PNISR: variants seen among roughly 807,000 people sequenced by gnomAD.
PNISR encodes PNN interacting serine and arginine rich protein, also known as arginine/serine-rich protein PNISR.
Under a neutral mutation model 93.4 loss-of-function variants are expected in PNISR, and 20 were observed. The ratio of observed to expected loss-of-function variants is 0.21; its 90% CI spans 0.15 to 0.31. The LOEUF (loss-of-function observed/expected upper bound fraction) is 0.31, where lower values mean the gene tolerates loss of function less well. Among genes scored for constraint, PNISR ranks in the 10% least tolerant of loss-of-function variants. The pLI, the probability that PNISR is intolerant of heterozygous loss-of-function variation, is 1.00. For synonymous variants in PNISR, 305 were observed against 306.5 expected (o/e 0.99, Z 0.05); for missense variants, 893 against 985.4 (o/e 0.91, Z 1.25).
At chr6:99,414,348 T>C (rs543717799) in intron 3 of PNISR, among the ~76,000 whole-genome samples, 1 of 152,360 alleles carries the variant, frequency 6.6e-6, no homozygotes, top group South Asian at 2.1e-4. Flanking sequence ...GTTTAAAAAA[T>C]GTAAAATCTT....
chr6:99,408,715 G>A (rs1286135005), intron 6 of PNISR, among the ~76,000 whole-genome samples: 3 of 152,030 alleles, frequency 2.0e-5, no homozygotes, highest in Non-Finnish European at 2.9e-5. Flanking sequence ...GAAATAGGCT[G>A]GCTCTATAAT....
chr6:99,405,354 C>T (rs910789484), intron 8 of PNISR, among the ~76,000 whole-genome samples: 3 of 152,014 alleles, frequency 2.0e-5, no homozygotes, highest in African/African-American at 4.8e-5. Flanking sequence ...GCAATCCCAA[C>T]TACTCGGGAG....
chr6:99,401,658 A>T, intron 11 of PNISR, 28 bp from the exon 12 acceptor site: 1 of 1,483,238 alleles, frequency 6.7e-7, no homozygotes, highest in Non-Finnish European at 8.9e-7. Flanking sequence ...AAAAACACTA[A>T]GAAAATGTTC....
Position 99,398,522 on chromosome 6 carries a change from C to A in PNISR, c.*2018G>T, listed in dbSNP as rs545088248. ...TTTATGTACTAATAATCACAAATAT[C>A]ATGACGGCTTTTAAAAAAACTACAG... On this transcript the variant is annotated 3_prime_UTR_variant, in exon 12 of 12. Transcript: ENST00000369239. 6 of 152,086 alleles carry A rather than the reference C, an allele frequency of 3.9e-5. No individual in the cohort carries two copies. Among genetic ancestry groups the A allele is most frequent in the Non-Finnish European group, 7.4e-5 (5 of 67,954 alleles). The allele number at this position is 152,086 out of a possible 1,614,324, so 9.4% of individuals were successfully genotyped here. A position where few individuals can be genotyped will look rare whatever the true frequency, so the allele number is the denominator to read the frequency against.
rs761803825 is a variant in PNISR, at chr6:99,400,495, A to G, written c.*45T>C. 8.3e-6 allele frequency: 13 copies of G among 1,569,868 alleles called. No homozygotes were observed. The highest frequency in any genetic ancestry group is 1.1e-5 in the Non-Finnish European group (13 of 1,161,650). The stretch of plus-strand genomic sequence containing the variant: ...GACACTTTCAACTTTGAATAAATTC[A>G]GTCAATTTTTTTTAAAAATCAGACA... On this transcript the variant is annotated 3_prime_UTR_variant, in exon 12 of 12. Coordinates refer to ENST00000369239, the MANE Select transcript of PNISR (RefSeq NM_032870.4).
Position 99,425,199 on chromosome 6 carries a change from G to T in PNISR, c.-112+16C>A. ...GTCCGGCAAGTGCCCACGTATAATTGTTCTCCATCACTTACCCACTCTAGT... is the reference window on the plus strand; with the variant it reads ...GTCCGGCAAGTGCCCACGTATAATTTTTCTCCATCACTTACCCACTCTAGT... On this transcript the variant is annotated intron_variant, in intron 1 of 11. Coordinates refer to ENST00000369239, the MANE Select transcript of PNISR (RefSeq NM_032870.4). 3 of 1,230,090 alleles carry T rather than the reference G, an allele frequency of 2.4e-6. No homozygotes were observed. The highest frequency in any genetic ancestry group is 2.0e-6 in the Non-Finnish European group (2 of 986,134). The allele number at this position is 1,230,090 out of a possible 1,614,324, so 76.2% of individuals were successfully genotyped here. A position where few individuals can be genotyped will look rare whatever the true frequency, so the allele number is the denominator to read the frequency against.
chr6:99,404,420 A>G (rs1486208826), intron 9 of PNISR, 183 bp downstream of exon 9: 4 of 625,276 alleles, frequency 6.4e-6, no homozygotes, highest in Non-Finnish European at 1.2e-5. Context: ...TAGGTCAGAT[A>G]AAACAAAAAT....
rs199561395 is a variant in PNISR, at chr6:99,412,606, T to C, written c.222A>G (p.Pro74=). ...CCCCTTGGAAATTCCCATGATTGTT[T>C]GGACCAGATTCCATTGTAGACATAT... ...GQDMSTMESG[P]NNHGNFQGDS... The change falls in exon 4 of 12, where the codon CCA becomes CCG. Residue 74 remains proline, a synonymous_variant. Coordinates refer to ENST00000369239, the MANE Select transcript of PNISR (RefSeq NM_032870.4). 6.0e-5 allele frequency: 96 copies of C among 1,610,204 alleles called. No individual in the cohort carries two copies. Among genetic ancestry groups the C allele is most frequent in the Non-Finnish European group, 3.6e-5 (43 of 1,178,898 alleles).
At chr6:99,404,517 C>T in intron 9 of PNISR, 86 bp downstream of exon 9, 1 of 769,052 alleles carries the variant, frequency 1.3e-6, no homozygotes, top group Non-Finnish European at 2.4e-6. Flanking sequence ...TGGTAGAAAT[C>T]CAACAAGGAC....
chr6:99,403,804 T>G lies in PNISR; in HGVS notation c.1156+25A>C, dbSNP rs776079044. ...ATGTGTGATTTTTCCCTTTAGGCCC[T>G]CTCACAAATATGGAAAACACTTACC... On this transcript the variant is annotated intron_variant, in intron 10 of 11. Coordinates refer to ENST00000369239, the MANE Select transcript of PNISR (RefSeq NM_032870.4). 64 of 1,588,166 alleles carry G rather than the reference T, an allele frequency of 4.0e-5. No homozygotes were observed. In the South Asian group the frequency reaches 6.6e-4, roughly 16 times the overall value.
At position 99,400,557 on chromosome 6, in the gene PNISR, T is replaced by TA. The variant is rs763432298; in HGVS notation, c.2400dup (p.Lys801Ter). 17 of 1,613,562 alleles carry TA rather than the reference T, an allele frequency of 1.1e-5. No homozygotes were observed. Among genetic ancestry groups the TA allele is most frequent in the African/African-American group, 4.0e-5 (3 of 74,892 alleles). On this transcript the variant is annotated frameshift_variant, in exon 12 of 12. Coordinates refer to ENST00000369239, the MANE Select transcript of PNISR (RefSeq NM_032870.4). LOFTEE classifies it high-confidence loss of function. ...AAAGTATACTACCTTGATCGGGACT[T>TA]AGACTTGTGTTTGCGGCTTGCCTTC...
In PNISR at chr6:99,419,930, G is replaced by A. The variant is rs533820065; in HGVS notation, c.-111-3502C>T. On this transcript the variant is annotated intron_variant, in intron 1 of 11. Transcript: ENST00000369239. ...GATGGAGTCTCGCTTTGTTGCCCAGGCTGGAGTGCAGTGGTGCGATGTTGG... is the reference window on the plus strand; with the variant it reads ...GATGGAGTCTCGCTTTGTTGCCCAGACTGGAGTGCAGTGGTGCGATGTTGG... Among the ~76,000 whole-genome samples, 7 of 151,164 alleles carry A rather than the reference G, an allele frequency of 4.6e-5. 1 individual carries two copies. In the South Asian group the frequency reaches 1.5e-3, roughly 32 times the overall value.
rs1385561287 is a variant in PNISR at position 99,401,136 on chromosome 6, G to T, written c.1822C>A (p.Arg608=). ...NRNSIERERR[R]NRSPSRERRR... Reference sequence around the variant, plus strand: ...CTCTCTCGGGAAGGACTCCGATTTCGTCGTCTTTCTCTTTCAATGCTATTT... The same window carrying T: ...CTCTCTCGGGAAGGACTCCGATTTCTTCGTCTTTCTCTTTCAATGCTATTT... The change falls in exon 12 of 12, where the codon CGA becomes AGA. Residue 608 remains arginine, a synonymous_variant. Coordinates refer to ENST00000369239, the MANE Select transcript of PNISR (RefSeq NM_032870.4). 1 of 1,609,040 alleles carries T rather than the reference G, an allele frequency of 6.2e-7. No individual in the cohort carries two copies. The highest frequency in any genetic ancestry group is 1.3e-5 in the African/African-American group (1 of 74,838).
chr6:99,403,541 T>C, intron 10 of PNISR: 1 of 185,842 alleles, frequency 5.4e-6, no homozygotes, highest in East Asian at 1.2e-4. Context: ...TAGGTGTTCA[T>C]ATATAATTAT....
At chr6:99,403,414 A>G (rs1169440088) in intron 10 of PNISR, 1 of 153,214 alleles carries the variant, frequency 6.5e-6, no homozygotes, top group East Asian at 1.9e-4. Context: ...AACACAATCT[A>G]TGTAAGTTAT....
chr6:99,414,169 G>T (rs980519600), intron 3 of PNISR, among the ~76,000 whole-genome samples: 2 of 152,288 alleles, frequency 1.3e-5, no homozygotes, highest in Middle Eastern at 3.4e-3. Context: ...TTCTACCTTT[G>T]TATGTGTGCC....
intron 10 of PNISR, chr6:99,403,544 AT>A (rs1410345304): frequency 3.8e-5 from 7 of 186,304 alleles, no homozygotes; most frequent in Non-Finnish European, 7.7e-5. Flanking sequence ...GTGTTCATAT[AT>A]AATTATATAT....
intron 7 of PNISR, among the ~76,000 whole-genome samples, chr6:99,407,472 A>G (rs1219898761): frequency 1.3e-5 from 2 of 152,224 alleles, no homozygotes; most frequent in East Asian, 3.8e-4. Context: ...ATGGAATTGA[A>G]GCAAAACTAA....
rs547390653 is a variant in PNISR, at chr6:99,398,406, T to A, written c.*2134A>T. On this transcript the variant is annotated 3_prime_UTR_variant, in exon 12 of 12. Transcript: ENST00000369239. ...ATAAAACCTTACCACTCAAGGTAAATAAATACTATATCACATGTCAAGAAA... is the reference window on the plus strand; with the variant it reads ...ATAAAACCTTACCACTCAAGGTAAAAAAATACTATATCACATGTCAAGAAA... The A allele has an allele frequency of 8.5e-5, 13 of 152,092 alleles. No individual in the cohort carries two copies. The highest frequency in any genetic ancestry group is 1.9e-4 in the Non-Finnish European group (13 of 67,956). The allele number at this position is 152,092 out of a possible 1,614,324, so 9.4% of individuals were successfully genotyped here.
Sources: gnomAD v4.1 joint callset for allele counts (sites outside exome capture counted in the v4.1 genomes callset) on GRCh38, gnomAD v4.1.1 for gene constraint, MANE v1.5 for transcripts, NCBI Gene and HGNC (gene_info 2026-07-23, HGNC 2026-07-21) for gene names.